The following PATZ1 variants were observed in gnomAD, a reference collection of about 807,000 sequenced individuals.
PATZ1 encodes the protein POZ-, AT hook-, and zinc finger-containing protein 1.
PATZ1 carries 9 observed loss-of-function variants against 46.2 expected under a neutral mutation model. That is an observed-to-expected ratio of 0.19 (90% CI 0.12 to 0.34). The LOEUF (loss-of-function observed/expected upper bound fraction) is 0.34. PATZ1 is among the 10% of genes least tolerant of loss of function. The probability of loss-of-function intolerance (pLI) is 1.00; values close to 1 mark genes in which losing one functional copy is unlikely to be tolerated. For missense variants in PATZ1, 632 were observed against 923.0 expected (o/e 0.68, Z 4.08); for synonymous variants, 426 against 378.6 (o/e 1.13, Z -1.45).
At chr22:31,341,008 G>C (rs558651721) in intron 2 of PATZ1, 2 of 1,076,496 alleles carry the variant, frequency 1.9e-6, no homozygotes, top group East Asian at 9.8e-5. Flanking sequence ...TCGTGGAGTG[G>C]GGAAAGGGGT....
At position 31,327,389 on chromosome 22, in the gene PATZ1, G is replaced by C. The variant is rs1458707654; in HGVS notation, c.1646-80C>G. 8 of 1,218,098 alleles carry C rather than the reference G, an allele frequency of 6.6e-6. No homozygotes were observed. Among genetic ancestry groups the C allele is most frequent in the African/African-American group, 1.5e-5 (1 of 66,518 alleles). The allele number at this position is 1,218,098 out of a possible 1,614,324, so 75.5% of individuals were successfully genotyped here. A position where few individuals can be genotyped will look rare whatever the true frequency, so the allele number is the denominator to read the frequency against. ...CTCCTGGAGGGGTCATGAGGGGCCA[G>C]CTCACAGACCTGTGGAGGGCAGCCA... On this transcript the variant is annotated intron_variant, in intron 4 of 4. Transcript: ENST00000266269. This position sits in a 1 kb window ranked among gnomAD's most constrained non-coding sequence, Gnocchi z 4.2.
Position 31,335,771 on chromosome 22 carries a change from G to A in PATZ1, c.1428C>T (p.Tyr476=). The A allele has an allele frequency of 1.2e-6, 2 of 1,614,146 alleles. No individual in the cohort carries two copies. Among genetic ancestry groups the A allele is most frequent in the Non-Finnish European group, 1.7e-6 (2 of 1,180,024 alleles). ...DKVPCQVCGK[Y]LRAAYMADHL... ...GGTCTGCCATGTATGCTGCCCGCAA[G>A]TACTTCCCACACACCTGGCAGGGCA... is the stretch of plus-strand genomic sequence containing the variant. Residue 476 remains tyrosine, a synonymous_variant, in exon 3 of 5, where the codon TAC becomes TAT. Transcript: ENST00000266269.
chr22:31,330,200 T>TGGCACACCAGGGCCC (rs2049421862), intron 3 of PATZ1, among the ~76,000 whole-genome samples: 1 of 152,224 alleles, frequency 6.6e-6, no homozygotes, highest in Non-Finnish European at 1.5e-5. Flanking sequence ...GAAGTGCTGA[T>TGGCACACCAGGGCCC]GGCACACCAG....
rs532815448 is a variant in PATZ1, at chr22:31,343,752, G to A, written c.1271+580C>T. On this transcript the variant is annotated intron_variant, in intron 1 of 4. Transcript: ENST00000266269. Reference sequence around the variant, plus strand: ...CTCGTGGGTCCCATTAGGCTCTAGAGCTACCAGGTCAGAGCAGATCAAAGC... The same window carrying A: ...CTCGTGGGTCCCATTAGGCTCTAGAACTACCAGGTCAGAGCAGATCAAAGC... 2.0e-5 allele frequency among the ~76,000 whole-genome samples: 3 copies of A among 152,348 alleles called. No homozygotes were observed. In the East Asian group the frequency reaches 5.8e-4, roughly 29 times the overall value.
intron 2 of PATZ1, among the ~76,000 whole-genome samples, chr22:31,336,741 G>A (rs1319404446): frequency 1.3e-5 from 2 of 149,514 alleles, no homozygotes; most frequent in African/African-American, 2.5e-5. Flanking sequence ...GGGAGGTAGA[G>A]GTTGCAGTGA....
intron 2 of PATZ1, chr22:31,341,610 G>C: frequency 6.2e-7 from 1 of 1,614,162 alleles, no homozygotes; most frequent in South Asian, 1.1e-5. Flanking sequence ...AGCAGGCTGG[G>C]CAAAGTCCCA....
At position 31,327,651 on chromosome 22, in the gene PATZ1, T is replaced by C. The variant is rs1317750097; in HGVS notation, c.1646-342A>G. 1.3e-5 allele frequency among the ~76,000 whole-genome samples: 2 copies of C among 152,188 alleles called. No individual in the cohort carries two copies. The highest frequency in any genetic ancestry group is 2.9e-5 in the Non-Finnish European group (2 of 68,036). ...GAACAACTCAAAGACCCCCAACTCC[T>C]AGGCGCTCTTTTGGGTGCCTCTGAG... On this transcript the variant is annotated intron_variant, in intron 4 of 4. Coordinates refer to ENST00000266269, the MANE Select transcript of PATZ1 (RefSeq NM_014323.3). The surrounding 1 kb of genome is among the most constrained non-coding windows in gnomAD (Gnocchi z 4.2).
rs951699837 is a variant in PATZ1 at position 31,326,483 on chromosome 22, G to A, written c.*408C>T. ...TGGTTCTTTTGAAGGATATGGGAAG[G>A]GAGGATGACGAACTAGAGAAGTGGG... is the stretch of plus-strand genomic sequence containing the variant. On this transcript the variant is annotated 3_prime_UTR_variant, in exon 5 of 5. Transcript: ENST00000266269. The A allele has an allele frequency of 7.7e-6, 2 of 260,756 alleles. No homozygotes were observed. Among genetic ancestry groups the A allele is most frequent in the East Asian group, 5.6e-5 (1 of 18,000 alleles). 16.2% of individuals were successfully genotyped at this position (260,756 alleles called of 1,614,324 possible).
intron 3 of PATZ1, among the ~76,000 whole-genome samples, chr22:31,334,985 C>A (rs2049489972): frequency 6.6e-6 from 1 of 152,218 alleles, no homozygotes; most frequent in Admixed American, 6.5e-5. Context: ...TCCACTGATG[C>A]TGTGCTTGCA....
In PATZ1 at chr22:31,345,602, TGGCCGCCGCCCCCTCCCACTAGCCC is replaced by T. The variant is rs2049644145; in HGVS notation, c.-25_-1del. 2.5e-6 allele frequency: 4 copies of T among 1,586,594 alleles called. No individual in the cohort carries two copies. ...CACGAAGCGTCGTTCACCCGCTCCA[TGGCCGCCGCCCCCTCCCACTAGCCC>T]GGCCGCTGCACCTGCCCGCCCCCTC... On this transcript the variant is annotated 5_prime_UTR_variant, in exon 1 of 5. Coordinates refer to ENST00000266269, the MANE Select transcript of PATZ1 (RefSeq NM_014323.3). The surrounding 1 kb of genome is among the most constrained non-coding windows in gnomAD (Gnocchi z 7.4).
At chr22:31,330,898 G>C (rs2145812846) in intron 3 of PATZ1, among the ~76,000 whole-genome samples, 1 of 152,280 alleles carries the variant, frequency 6.6e-6, no homozygotes. Context: ...GGAAAAACAG[G>C]GCTGGCCTGT....
intron 2 of PATZ1, chr22:31,341,569 T>C: frequency 6.2e-7 from 1 of 1,613,962 alleles, no homozygotes; most frequent in African/African-American, 1.3e-5. Flanking sequence ...GAAAAGGCGG[T>C]GTCAGGAACC....
In PATZ1 at chr22:31,344,915, G is replaced by C. The variant is rs112736081; in HGVS notation, c.688C>G (p.Pro230Ala). The C allele has an allele frequency of 1.9e-6, 3 of 1,613,502 alleles. No homozygotes were observed. The highest frequency in any genetic ancestry group is 2.5e-6 in the Non-Finnish European group (3 of 1,180,020). Residue 230 changes from proline to alanine, a missense_variant, in exon 1 of 5, where the codon CCT (proline) becomes GCT (alanine). This residue lies in a region of PATZ1 where 279 missense variants were observed against 284.3 expected (regional missense o/e 0.98). Transcript: ENST00000266269. ...ACCATGGGCAAGCGGTCCACCCCAGGTAACACAGGCAAAGAGGCTTGGCCT... is the reference window on the plus strand; with the variant it reads ...ACCATGGGCAAGCGGTCCACCCCAGCTAACACAGGCAAAGAGGCTTGGCCT... ...IAGQASLPVL[P>A]GVDRLPMVAG...
At chr22:31,341,260 C>T (rs2049576741) in intron 2 of PATZ1, 3 of 1,410,052 alleles carry the variant, frequency 2.1e-6, no homozygotes, top group Admixed American at 5.3e-5. Flanking sequence ...GGGGCTCTGA[C>T]ATGGGAAAGA....
chr22:31,333,239 A>G (rs188533832), intron 3 of PATZ1, among the ~76,000 whole-genome samples: 101 of 152,334 alleles, frequency 6.6e-4, no homozygotes, highest in African/African-American at 2.4e-3. Context: ...CTATTTAAGA[A>G]TTGTTGGGAT....
At position 31,342,980 on chromosome 22, in the gene PATZ1, G is replaced by A. The variant is rs1036953037; in HGVS notation, c.1272-20C>T. The A allele has an allele frequency of 1.2e-6, 2 of 1,613,728 alleles. No individual in the cohort carries two copies. The highest frequency in any genetic ancestry group is 4.5e-5 in the East Asian group (2 of 44,864). ...TCAGGCCTGGAAAAGAGAGAACCAA[G>A]AGGGACTTTAGAAACTTGGCCAGAC... is the stretch of plus-strand genomic sequence containing the variant. On this transcript the variant is annotated intron_variant, in intron 1 of 4. Coordinates refer to ENST00000266269, the MANE Select transcript of PATZ1 (RefSeq NM_014323.3).
chr22:31,346,201 A>G lies in PATZ1; in HGVS notation c.-599T>C. The G allele has an allele frequency of 6.7e-6, 1 of 150,014 alleles. No homozygotes were observed. Among genetic ancestry groups the G allele is most frequent in the Non-Finnish European group, 1.4e-5 (1 of 69,202 alleles). The allele number at this position is 150,014 out of a possible 1,614,324, so 9.3% of individuals were successfully genotyped here. On this transcript the variant is annotated 5_prime_UTR_variant, in exon 1 of 5. Coordinates refer to ENST00000266269, the MANE Select transcript of PATZ1 (RefSeq NM_014323.3). ...GCGCGGGCCGGGTCCCGGAGCCTGG[A>G]GGGCGGTGGCGGCGGCGGCGGCGGC...
At position 31,345,068 on chromosome 22, in the gene PATZ1, C is replaced by T; in HGVS notation, c.535G>A (p.Gly179Arg). 6.2e-7 allele frequency: 1 copy of T among 1,614,186 alleles called. No individual in the cohort carries two copies. Among genetic ancestry groups the T allele is most frequent in the African/African-American group, 1.3e-5 (1 of 75,060 alleles). Residue 179 changes from glycine (G) to arginine (R), a missense_variant, in exon 1 of 5, where the codon GGG becomes AGG. Coordinates refer to ENST00000266269, the MANE Select transcript of PATZ1 (RefSeq NM_014323.3). The surrounding 1 kb of genome is among the most constrained non-coding windows in gnomAD (Gnocchi z 7.4). ...RADIMLFRPP[G>R]TSDLGFPLDM... The stretch of plus-strand genomic sequence containing the variant: ...AAAGGGAAGCCCAAGTCCGAGGTCC[C>T]AGGGGGGCGAAAGAGCATTATATCG...
At chr22:31,340,190 C>T (rs1263386930) in intron 2 of PATZ1, among the ~76,000 whole-genome samples, 1 of 152,210 alleles carries the variant, frequency 6.6e-6, no homozygotes, top group Admixed American at 6.5e-5. Flanking sequence ...GTTAAGGACA[C>T]TCAGGCCAAG....
Sources: allele counts gnomAD v4.1 joint callset (sites outside exome capture counted in the v4.1 genomes callset), GRCh38; gene constraint gnomAD v4.1.1; regional missense constraint gnomAD v4.1.1; non-coding constraint Gnocchi (gnomAD v3.1); transcripts MANE v1.5; gene names NCBI Gene and HGNC (gene_info 2026-07-23, HGNC 2026-07-21).